CHAMP1: variants seen among roughly 807,000 people sequenced by gnomAD.
The protein encoded by CHAMP1 is chromosome alignment-maintaining phosphoprotein 1.
Under a neutral mutation model 54.5 loss-of-function variants are expected in CHAMP1, and 4 were observed. The ratio of observed to expected loss-of-function variants is 0.07; its 90% CI spans 0.04 to 0.17. The LOEUF (loss-of-function observed/expected upper bound fraction) is 0.17, where lower values mean the gene tolerates loss of function less well. CHAMP1 is among the 10% of genes least tolerant of loss of function. The pLI, the probability that CHAMP1 is intolerant of heterozygous loss-of-function variation, is 1.00. For missense variants in CHAMP1, 994 were observed against 968.6 expected, an observed-to-expected ratio of 1.03 and a Z score of -0.35; for synonymous variants, 368 against 342.2, an observed-to-expected ratio of 1.08 and a Z score of -0.83.
intron 1 of CHAMP1, among the ~76,000 whole-genome samples, chr13:114,318,047 C>G (rs1317288755): frequency 6.6e-6 from 1 of 152,214 alleles, no homozygotes; most frequent in African/African-American, 2.4e-5. Context: ...ACGCCCAGCT[C>G]TCTAGGCTTT....
At position 114,325,219 on chromosome 13, in the gene CHAMP1, T is replaced by C; in HGVS notation, c.1377T>C (p.Ser459=). The C allele has an allele frequency of 6.2e-7, 1 of 1,614,084 alleles. No homozygotes were observed. The highest frequency in any genetic ancestry group is 8.5e-7 in the Non-Finnish European group (1 of 1,179,976). ...TTTCTCCTGATCAGCGGAAAACTTC[T>C]CCTGCTTCACTTGATTTCCCTGAGT... ...WKLSPDQRKT[S]PASLDFPESQ... Residue 459 remains serine (S), a synonymous_variant, in exon 3 of 3, where the codon TCT becomes TCC. Coordinates refer to ENST00000361283, the MANE Select transcript of CHAMP1 (RefSeq NM_032436.4).
Position 114,325,308 on chromosome 13 carries a change from A to G in CHAMP1, c.1466A>G (p.Gln489Arg). ...AAGTCTTCCTTTTTTATTGAGCCTCAGAAACCTGTCTTCCCTGAGACCCGA... is the reference window on the plus strand; with the variant it reads ...AAGTCTTCCTTTTTTATTGAGCCTCGGAAACCTGTCTTCCCTGAGACCCGA... ...LWKSSFFIEP[Q>R]KPVFPETRKP... Residue 489 changes from glutamine to arginine, a missense_variant, in exon 3 of 3, where the codon CAG (glutamine) becomes CGG (arginine). Gln to Arg is a conservative substitution (Grantham distance 43). This residue lies in a region of CHAMP1 where 851 missense variants were observed against 701.3 expected (regional missense o/e 1.21). Transcript: ENST00000361283. The G allele has an allele frequency of 6.2e-7, 1 of 1,614,132 alleles. No individual in the cohort carries two copies. The highest frequency in any genetic ancestry group is 1.7e-5 in the Admixed American group (1 of 60,006).
At chr13:114,317,316 C>T (rs1399438000) in intron 1 of CHAMP1, among the ~76,000 whole-genome samples, 2 of 151,720 alleles carry the variant, frequency 1.3e-5, no homozygotes, top group African/African-American at 2.4e-5. Flanking sequence ...TGAGCCACTG[C>T]GCCCGCCCAG....
At chr13:114,323,687 G>A (rs1289307786) in intron 2 of CHAMP1, 101 bp from the exon 3 acceptor site, 14 of 919,688 alleles carry the variant, frequency 1.5e-5, no homozygotes, top group Admixed American at 6.3e-5. Flanking sequence ...AATAAAGCAC[G>A]CACTGTTCTA....
intron 1 of CHAMP1, among the ~76,000 whole-genome samples, chr13:114,315,089 G>C (rs927995658): frequency 6.6e-6 from 1 of 152,118 alleles, no homozygotes; most frequent in Non-Finnish European, 1.5e-5. Context: ...CCAACAAAAA[G>C]CAACCCAGTT....
chr13:114,324,755 C>T lies in CHAMP1; in HGVS notation c.913C>T (p.Pro305Ser), dbSNP rs1566791620. ...AVSPEPRRPAPAVSPGSWKPG... is the reference protein window; with the variant it reads ...AVSPEPRRPASAVSPGSWKPG... The stretch of plus-strand genomic sequence containing the variant: ...CTCCCCAGAGCCTAGGAGACCAGCC[C>T]CCGCTGTGTCACCAGGCTCTTGGAA... The change falls in exon 3 of 3, where the codon CCC (proline) becomes TCC (serine). Residue 305 changes from proline (P) to serine (S), a missense_variant. By Grantham distance (74) the Pro-to-Ser change is moderately conservative (BLOSUM62 -1). Around this residue, in one of 3 missense-constraint regions of CHAMP1, gnomAD observed 851 missense variants for 701.3 expected, o/e 1.21. Transcript: ENST00000361283. The T allele has an allele frequency of 3.7e-6, 6 of 1,613,998 alleles. No homozygotes were observed. The highest frequency in any genetic ancestry group is 5.1e-6 in the Non-Finnish European group (6 of 1,179,924).
chr13:114,315,971 G>A (rs146644791), intron 1 of CHAMP1, among the ~76,000 whole-genome samples: 80 of 151,762 alleles, frequency 5.3e-4, no homozygotes, highest in African/African-American at 1.9e-3. Context: ...CAAGTAGCTG[G>A]CATTACAGGC....
Position 114,324,369 on chromosome 13 carries a change from C to T in CHAMP1, c.527C>T (p.Pro176Leu). ...CAGACACCTCTTCCTTCTCCTGAGCCTTCAAAACCTGCCTCTGTTTCTTCT... is the reference window on the plus strand; with the variant it reads ...CAGACACCTCTTCCTTCTCCTGAGCTTTCAAAACCTGCCTCTGTTTCTTCT... Reference protein sequence around the residue: ...ELQTPLPSPEPSKPASVSSPE... With the variant: ...ELQTPLPSPELSKPASVSSPE... Residue 176 changes from proline to leucine, a missense_variant, in exon 3 of 3, where the codon CCT becomes CTT. Physicochemically the swap from Pro to Leu is moderately conservative, Grantham distance 98. Coordinates refer to ENST00000361283, the MANE Select transcript of CHAMP1 (RefSeq NM_032436.4). 1.2e-6 allele frequency: 2 copies of T among 1,614,130 alleles called. No homozygotes were observed. The highest frequency in any genetic ancestry group is 1.7e-6 in the Non-Finnish European group (2 of 1,180,032).
At chr13:114,318,879 TTTTTTTTA>T (rs1488795621) in intron 1 of CHAMP1, among the ~76,000 whole-genome samples, 73 of 136,866 alleles carry the variant, frequency 5.3e-4, no homozygotes, top group African/African-American at 9.8e-4. Context: ...TTTTTTTTTT[TTTTTTTTA>T]ATGTTCCCTA....
Position 114,325,184 on chromosome 13 carries a change from C to T in CHAMP1, c.1342C>T (p.Leu448Phe), listed in dbSNP as rs781880614. The change falls in exon 3 of 3, where the codon CTT (leucine) becomes TTT (phenylalanine). Residue 448 changes from leucine (L) to phenylalanine (F), a missense_variant. Physicochemically the swap from Leu to Phe is conservative, Grantham distance 22. Around this residue, in one of 3 missense-constraint regions of CHAMP1, gnomAD observed 851 missense variants for 701.3 expected, o/e 1.21. Coordinates refer to ENST00000361283, the MANE Select transcript of CHAMP1 (RefSeq NM_032436.4). ...CAGAAAACCCTCAGGGTCACCAGATCTTTGGAAGCTTTCTCCTGATCAGCG... is the reference window on the plus strand; with the variant it reads ...CAGAAAACCCTCAGGGTCACCAGATTTTTGGAAGCTTTCTCCTGATCAGCG... ...ELRKPSGSPD[L>F]WKLSPDQRKT... 1 of 1,614,216 alleles carries T rather than the reference C, an allele frequency of 6.2e-7. No individual in the cohort carries two copies. The highest frequency in any genetic ancestry group is 8.5e-7 in the Non-Finnish European group (1 of 1,180,038).
In CHAMP1 at chr13:114,326,735, T is replaced by C. The variant is rs2087256563; in HGVS notation, c.*454T>C. On this transcript the variant is annotated 3_prime_UTR_variant, in exon 3 of 3. Transcript: ENST00000361283. ...ATGTATTTTTAAATCATAAGAGTTA[T>C]TTTCTATCTGATGTAAAATTAGTTT... is the stretch of plus-strand genomic sequence containing the variant. 1 of 167,326 alleles carries C rather than the reference T, an allele frequency of 6.0e-6. No individual in the cohort carries two copies. The highest frequency in any genetic ancestry group is 2.4e-5 in the African/African-American group (1 of 41,478). The allele number at this position is 167,326 out of a possible 1,614,324, so 10.4% of individuals were successfully genotyped here.
At chr13:114,316,986 A>G (rs186131270) in intron 1 of CHAMP1, among the ~76,000 whole-genome samples, 1 of 152,138 alleles carries the variant, frequency 6.6e-6, no homozygotes, top group East Asian at 1.9e-4. Flanking sequence ...CAAACATAAA[A>G]CTACTTGGAA....
Position 114,325,109 on chromosome 13 carries a change from G to A in CHAMP1, c.1267G>A (p.Gly423Ser), listed in dbSNP as rs782564405. ...AGTGTCTCCAGAGCTTCGCAAACCC[G>A]GCCCACCACTATCCCCAGAGATCCG... ...PPVSPELRKP[G>S]PPLSPEIRSP... is the part of the protein sequence containing the mutation. Residue 423 changes from glycine (G) to serine (S), a missense_variant, in exon 3 of 3, where the codon GGC becomes AGC. Physicochemically the swap from Gly to Ser is moderately conservative, Grantham distance 56. Coordinates refer to ENST00000361283, the MANE Select transcript of CHAMP1 (RefSeq NM_032436.4). The A allele has an allele frequency of 1.3e-5, 21 of 1,613,852 alleles. No homozygotes were observed. The South Asian group carries it at 1.6e-4, about 13-fold the overall frequency.
intron 1 of CHAMP1, among the ~76,000 whole-genome samples, chr13:114,315,720 G>A (rs1427584051): frequency 2.0e-5 from 3 of 152,168 alleles, no homozygotes; most frequent in African/African-American, 4.8e-5. Flanking sequence ...CATGGGTACA[G>A]AATTTCTGTT....
Position 114,324,662 on chromosome 13 carries a change from A to G in CHAMP1, c.820A>G (p.Thr274Ala), listed in dbSNP as rs370907860. The G allele has an allele frequency of 3.2e-5, 52 of 1,613,048 alleles. No homozygotes were observed. The East Asian group carries it at 6.2e-4, about 19-fold the overall frequency. The change falls in exon 3 of 3, where the codon ACC (threonine) becomes GCC (alanine). Residue 274 changes from threonine (T) to alanine (A), a missense_variant. Physicochemically the swap from Thr to Ala is moderately conservative, Grantham distance 58. Transcript: ENST00000361283. ...AGAATCTCGGAAGTCAGCCCGGACT[A>G]CCTCCCCTGAGCCAAGGAAGCCATC... ...SPESRKSART[T>A]SPEPRKPSPS...
At position 114,325,582 on chromosome 13, in the gene CHAMP1, T is replaced by G; in HGVS notation, c.1740T>G (p.Asp580Glu). 6.2e-7 allele frequency: 1 copy of G among 1,614,198 alleles called. No individual in the cohort carries two copies. Among genetic ancestry groups the G allele is most frequent in the African/African-American group, 1.3e-5 (1 of 75,046 alleles). ...SESQKAVELG[D>E]ELQIDAIDDQ... Reference sequence around the variant, plus strand: ...CACAGAAGGCTGTTGAGCTTGGTGATGAACTACAAATAGATGCCATAGATG... The same window carrying G: ...CACAGAAGGCTGTTGAGCTTGGTGAGGAACTACAAATAGATGCCATAGATG... The change falls in exon 3 of 3, where the codon GAT (aspartate) becomes GAG (glutamate). Residue 580 changes from aspartate (D) to glutamate (E), a missense_variant. By Grantham distance (45) the Asp-to-Glu change is conservative. Around this residue, in one of 3 missense-constraint regions of CHAMP1, gnomAD observed 851 missense variants for 701.3 expected, o/e 1.21. Coordinates refer to ENST00000361283, the MANE Select transcript of CHAMP1 (RefSeq NM_032436.4).
In CHAMP1 at chr13:114,325,260, G is replaced by T. The variant is rs548630533; in HGVS notation, c.1418G>T (p.Arg473Leu). The T allele has an allele frequency of 6.2e-6, 10 of 1,614,000 alleles. No individual in the cohort carries two copies. The highest frequency in any genetic ancestry group is 8.5e-6 in the Non-Finnish European group (10 of 1,180,038). ...TTCCCTGAGTCCCAGAAAAGTTCCC[G>T]TGGTGGTTCTCCTGATCTCTGGAAG... ...LDFPESQKSS[R>L]GGSPDLWKSS... Residue 473 changes from arginine to leucine, a missense_variant, in exon 3 of 3, where the codon CGT becomes CTT. Physicochemically the swap from Arg to Leu is moderately radical, Grantham distance 102 (BLOSUM62 -2). Around this residue, in one of 3 missense-constraint regions of CHAMP1, gnomAD observed 851 missense variants for 701.3 expected, o/e 1.21. Transcript: ENST00000361283.
At chr13:114,323,212 A>G (rs1165675579) in intron 2 of CHAMP1, 1 of 152,256 alleles carries the variant, frequency 6.6e-6, no homozygotes, top group Admixed American at 6.5e-5. Flanking sequence ...TAAATGAATT[A>G]ATAGAATACT....
intron 1 of CHAMP1, among the ~76,000 whole-genome samples, 155 bp from the exon 2 acceptor site, chr13:114,320,955 C>CAA (rs1233050968): frequency 2.4e-5 from 3 of 122,482 alleles, no homozygotes; most frequent in South Asian, 5.0e-4. Flanking sequence ...GACTCTGTCT[C>CAA]AAAAAAAAAA....
Sources: gnomAD v4.1 joint callset for allele counts (sites outside exome capture counted in the v4.1 genomes callset) on GRCh38, gnomAD v4.1.1 for gene constraint, gnomAD v4.1.1 regional missense constraint, MANE v1.5 for transcripts, NCBI Gene and HGNC (gene_info 2026-07-23, HGNC 2026-07-21) for gene names.